E2F5: variants seen among roughly 807,000 people sequenced by gnomAD.
E2F5 encodes E2F transcription factor 5.
Under a neutral mutation model 39.1 loss-of-function variants are expected in E2F5, and 23 were observed. That is an observed-to-expected ratio of 0.59 (90% CI 0.42 to 0.83). The LOEUF (loss-of-function observed/expected upper bound fraction) is 0.83, where lower values mean the gene tolerates loss of function less well. Among genes scored for constraint, E2F5 ranks in the 40% least tolerant of loss-of-function variants. E2F5 has a pLI of 0.00. For synonymous variants in E2F5, 145 were observed against 157.8 expected (o/e 0.92, Z 0.61); for missense variants, 365 against 406.7 (o/e 0.90, Z 0.88).
At chr8:85,186,169 C>G (rs192144207) in intron 1 of E2F5, among the ~76,000 whole-genome samples, 87 of 152,244 alleles carry the variant, frequency 5.7e-4, no homozygotes, top group African/African-American at 2.0e-3. Context: ...CCATGGAATA[C>G]TATGCAGCCG....
intron 1 of E2F5, among the ~76,000 whole-genome samples, chr8:85,200,081 T>C (rs1812661490): frequency 6.6e-6 from 1 of 152,140 alleles, no homozygotes; most frequent in East Asian, 1.9e-4. Flanking sequence ...ACCTCGTCTC[T>C]ACTAAAAATA....
Position 85,202,168 on chromosome 8 carries a change from A to G in E2F5, c.256A>G (p.Arg86Gly). Residue 86 changes from arginine (R) to glycine (G), a missense_variant, in exon 2 of 8, where the codon AGG (arginine) becomes GGG (glycine). By Grantham distance (125) the Arg-to-Gly change is moderately radical. Coordinates refer to ENST00000416274, the MANE Select transcript of E2F5 (RefSeq NM_001951.4). Reference protein sequence around the residue: ...LKAAADTLAVRQKRRIYDITN... With the variant: ...LKAAADTLAVGQKRRIYDITN... Reference sequence around the variant, plus strand: ...ACAGGCTGCTGATACTTTGGCTGTGAGGCAAAAAAGGAGAATTTATGATAT... The same window carrying G: ...ACAGGCTGCTGATACTTTGGCTGTGGGGCAAAAAAGGAGAATTTATGATAT... The G allele has an allele frequency of 6.2e-7, 1 of 1,612,686 alleles. No homozygotes were observed. The highest frequency in any genetic ancestry group is 1.1e-5 in the South Asian group (1 of 90,720).
intron 7 of E2F5, chr8:85,212,476 CTGG>C: frequency 2.9e-6 from 1 of 346,356 alleles, no homozygotes. Flanking sequence ...CCTGAAGGAT[CTGG>C]TCCAAGAAGA....
intron 1 of E2F5, among the ~76,000 whole-genome samples, chr8:85,181,677 C>G (rs1467124334): frequency 2.8e-5 from 4 of 140,784 alleles, no homozygotes; most frequent in Admixed American, 2.8e-4. Flanking sequence ...AAACATGGCT[C>G]GGTCAGGCGT....
Position 85,177,451 on chromosome 8 carries a change from C to T in E2F5, c.31C>T (p.Gln11Ter). The change falls in exon 1 of 8, where the codon CAG becomes TAG. Residue 11 changes from glutamine (Q) to a stop codon, truncating the protein, a stop_gained. Transcript: ENST00000416274. LOFTEE classifies it high-confidence loss of function. ...GGCGGCAGAGCCCGCGAGCTCGGGC[C>T]AGCAGGCGCCGGCAGGGCAGGGGCA... MAAAEPASSGQQAPAGQGQGQ... is the reference protein window; with the variant it reads MAAAEPASSG 1 of 996,576 alleles carries T rather than the reference C, an allele frequency of 1.0e-6. No homozygotes were observed. The highest frequency in any genetic ancestry group is 4.5e-5 in the South Asian group (1 of 22,216). 61.7% of individuals were successfully genotyped at this position (996,576 alleles called of 1,614,324 possible). A position where few individuals can be genotyped will look rare whatever the true frequency, so the allele number is the denominator to read the frequency against.
chr8:85,178,538 C>A (rs1023272768), intron 1 of E2F5, among the ~76,000 whole-genome samples: 14 of 152,080 alleles, frequency 9.2e-5, no homozygotes, highest in African/African-American at 2.9e-4. Flanking sequence ...GTGGTCACTC[C>A]GCGCGAAGTT....
chr8:85,177,804 C>T (rs1465642763), intron 1 of E2F5, 150 bp downstream of exon 1: 10 of 1,142,846 alleles, frequency 8.8e-6, no homozygotes, highest in Non-Finnish European at 1.1e-5. Flanking sequence ...GTGGCCTGCG[C>T]CCGGGTCGTG....
intron 1 of E2F5, among the ~76,000 whole-genome samples, chr8:85,197,447 G>A (rs991366244): frequency 2.6e-5 from 4 of 152,190 alleles, no homozygotes; most frequent in Non-Finnish European, 5.9e-5. Flanking sequence ...TATTAAAGCC[G>A]TTTTTAGCAC....
intron 1 of E2F5, among the ~76,000 whole-genome samples, chr8:85,192,144 G>A (rs1368825419): frequency 6.6e-6 from 1 of 152,106 alleles, no homozygotes; most frequent in Non-Finnish European, 1.5e-5. Flanking sequence ...AACCTGGTGC[G>A]GAGTCTATGG....
At chr8:85,195,534 G>A (rs1563979729) in intron 1 of E2F5, among the ~76,000 whole-genome samples, 1 of 151,962 alleles carries the variant, frequency 6.6e-6, no homozygotes, top group Non-Finnish European at 1.5e-5. Flanking sequence ...CTGTCACCCA[G>A]GCTAGAGTGC....
Position 85,213,882 on chromosome 8 carries a change from CTG to C in E2F5, c.*22_*23del. 2 of 1,373,808 alleles carry C rather than the reference CTG, an allele frequency of 1.5e-6. No homozygotes were observed. Among genetic ancestry groups the C allele is most frequent in the Non-Finnish European group, 2.1e-6 (2 of 962,924 alleles). 85.1% of individuals were successfully genotyped at this position (1,373,808 alleles called of 1,614,324 possible). On this transcript the variant is annotated 3_prime_UTR_variant, in exon 8 of 8. Transcript: ENST00000416274. Reference sequence around the variant, plus strand: ...TATTAGATTCCATGGAAACTTGGGACTGTTATCTACCTCTAACTGTGTAACAT... The same window carrying C: ...TATTAGATTCCATGGAAACTTGGGACTTATCTACCTCTAACTGTGTAACAT...
At chr8:85,209,092 G>A in intron 5 of E2F5, 50 bp from the exon 6 acceptor site, 1 of 1,571,330 alleles carries the variant, frequency 6.4e-7, no homozygotes, top group Non-Finnish European at 8.7e-7. Context: ...TCTTAAGTTA[G>A]CTAGAAATGT....
rs189297065 is a variant in E2F5, at chr8:85,212,207, A to T, written c.931+3A>T. On this transcript the variant is annotated splice_donor_region_variant and intron_variant, in intron 7 of 7. Transcript: ENST00000416274. ...TGATGAGTTAATGTCTTCTGACGGT[A>T]AGTAGGTTAAAATTTTACTAACTCA... 8.7e-6 allele frequency: 14 copies of T among 1,604,144 alleles called. No individual in the cohort carries two copies. In the Admixed American group the frequency reaches 1.2e-4, roughly 14 times the overall value.
chr8:85,214,184 G>GTCA lies in E2F5; in HGVS notation c.*326_*328dup, dbSNP rs1390387147. ...GGAGGAAAGTTAAAGGACACTACAG[G>GTCA]TCATCAAAAACAAGTTGGCCAAGGA... On this transcript the variant is annotated 3_prime_UTR_variant, in exon 8 of 8. Transcript: ENST00000416274. 1 of 536,094 alleles carries GTCA rather than the reference G, an allele frequency of 1.9e-6. No homozygotes were observed. The highest frequency in any genetic ancestry group is 2.2e-5 in the Admixed American group (1 of 44,916). The allele number at this position is 536,094 out of a possible 1,614,324, so 33.2% of individuals were successfully genotyped here.
rs770584970 is a variant in E2F5, at chr8:85,209,386, C to T, written c.860C>T (p.Thr287Ile). 3 of 1,611,652 alleles carry T rather than the reference C, an allele frequency of 1.9e-6. No individual in the cohort carries two copies. The highest frequency in any genetic ancestry group is 1.6e-4 in the Middle Eastern group (1 of 6,062). Residue 287 changes from threonine to isoleucine, a missense_variant, in exon 6 of 8, where the codon ACA becomes ATA. By Grantham distance (89) the Thr-to-Ile change is moderately conservative. Transcript: ENST00000416274. ...VSERSQALQQTSATDISSAGS... is the reference protein window; with the variant it reads ...VSERSQALQQISATDISSAGS... ...GAAAGAAGCCAGGCTCTGCAGCAGACATCAGCTACAGATATATCTTCAGGT... is the reference window on the plus strand; with the variant it reads ...GAAAGAAGCCAGGCTCTGCAGCAGATATCAGCTACAGATATATCTTCAGGT...
At chr8:85,196,555 T>C (rs1009660962) in intron 1 of E2F5, among the ~76,000 whole-genome samples, 2 of 152,262 alleles carry the variant, frequency 1.3e-5, no homozygotes, top group Admixed American at 6.5e-5. Context: ...AATGCAGTTA[T>C]ATAACTTGGA....
At chr8:85,184,009 G>A (rs1812275032) in intron 1 of E2F5, among the ~76,000 whole-genome samples, 1 of 152,132 alleles carries the variant, frequency 6.6e-6, no homozygotes, top group South Asian at 2.1e-4. Flanking sequence ...GACACAGCAG[G>A]AAGGTGATCA....
intron 1 of E2F5, among the ~76,000 whole-genome samples, chr8:85,184,873 A>C (rs563441103): frequency 2.6e-5 from 4 of 152,376 alleles, no homozygotes; most frequent in East Asian, 1.9e-4. Context: ...GGACACAAAC[A>C]AATGGAAAAA....
chr8:85,205,885 CCATT>C (rs4150951), intron 3 of E2F5, among the ~76,000 whole-genome samples: 5,752 of 152,272 alleles, frequency 0.038, 165 homozygotes, highest in Non-Finnish European at 0.062. Context: ...TTTTCCCCAT[CCATT>C]CCCTTCCCCC....
Sources: allele counts gnomAD v4.1 joint callset (sites outside exome capture counted in the v4.1 genomes callset), GRCh38; gene constraint gnomAD v4.1.1; transcripts MANE v1.5; gene names NCBI Gene and HGNC (gene_info 2026-07-23, HGNC 2026-07-21).